Variants in MYCT1 observed in about 807,000 individuals in gnomAD.
The protein encoded by MYCT1 is MYC target 1.
Under a neutral mutation model 15.0 loss-of-function variants are expected in MYCT1, and 12 were observed. The observed-to-expected ratio is 0.80, with a 90% CI of 0.51 to 1.29. The LOEUF is 1.29. Ranked by LOEUF, MYCT1 falls within the 50% of genes most tolerant of loss-of-function variation. MYCT1 has a pLI of 0.00. For missense variants in MYCT1, 287 were observed against 279.1 expected, an observed-to-expected ratio of 1.03 and a Z score of -0.20; for synonymous variants, 104 against 102.7, an observed-to-expected ratio of 1.01 and a Z score of -0.07.
chr6:152,734,028 A>G, the MYCT1 span, among the ~76,000 whole-genome samples: 1 of 152,070 alleles, frequency 6.6e-6, no homozygotes, highest in African/African-American at 2.4e-5. Context: ...ACAAAGAGCC[A>G]GGTCTTAAAA....
chr6:152,705,423 C>T (rs930780323), intron 1 of MYCT1, among the ~76,000 whole-genome samples: 4 of 152,042 alleles, frequency 2.6e-5, no homozygotes, highest in Non-Finnish European at 5.9e-5. Context: ...CCAAAAAATC[C>T]CAAATCTAAC....
the MYCT1 span, among the ~76,000 whole-genome samples, chr6:152,736,762 C>T: frequency 6.6e-6 from 1 of 151,790 alleles, no homozygotes; most frequent in Non-Finnish European, 1.5e-5. Context: ...GCTTACTTCT[C>T]GGAATAAAAA....
chr6:152,712,519 G>A lies in MYCT1; in HGVS notation c.197-9223G>A, dbSNP rs1237685762. On this transcript the variant is annotated intron_variant, in intron 1 of 1. Transcript: ENST00000367245. Reference sequence around the variant, plus strand: ...ACGGTGCGCACACACACTGGCCTGCGCCCACTGTCTGGCACTCCCTAGTGA... The same window carrying A: ...ACGGTGCGCACACACACTGGCCTGCACCCACTGTCTGGCACTCCCTAGTGA... 1.4e-4 allele frequency among the ~76,000 whole-genome samples: 10 copies of A among 71,810 alleles called. 3 individuals are homozygous for A. The highest frequency in any genetic ancestry group is 8.5e-3 in the East Asian group (2 of 234). 47.1% of individuals were successfully genotyped at this position (71,810 alleles called of 152,430 possible).
Position 152,721,758 on chromosome 6 carries a change from C to T in MYCT1, c.213C>T (p.Ser71=), listed in dbSNP as rs1488915999. 5.0e-6 allele frequency: 8 copies of T among 1,613,388 alleles called. No homozygotes were observed. The African/African-American group carries it at 8.0e-5, about 16-fold the overall frequency. Residue 71 remains serine (S), a synonymous_variant, in exon 2 of 2, where the codon TCC becomes TCT. Transcript: ENST00000367245. The part of the protein sequence containing the change: ...PENFWEDLIM[S]FTVSMAIGLV... ...TTGTTTCAGAGGACCTTATCATGTC[C>T]TTCACTGTATCCATGGCAATCGGGC...
At chr6:152,741,653 T>C in the MYCT1 span, among the ~76,000 whole-genome samples, 2 of 152,224 alleles carry the variant, frequency 1.3e-5, no homozygotes, top group African/African-American at 4.8e-5. Flanking sequence ...TTAAAAATTG[T>C]ATGATTTTTA....
chr6:152,734,554 C>T, the MYCT1 span, among the ~76,000 whole-genome samples: 1 of 152,154 alleles, frequency 6.6e-6, no homozygotes, highest in African/African-American at 2.4e-5. Flanking sequence ...CGTGCAGTGA[C>T]TCATTTGTCC....
chr6:152,705,605 A>C (rs1583965776), intron 1 of MYCT1: 1 of 160,368 alleles, frequency 6.2e-6, no homozygotes, highest in East Asian at 1.7e-4. Flanking sequence ...GACTTATGAT[A>C]GTTCAACTTA....
chr6:152,708,808 T>C (rs1401283333), intron 1 of MYCT1, among the ~76,000 whole-genome samples: 3 of 152,094 alleles, frequency 2.0e-5, no homozygotes, highest in Non-Finnish European at 4.4e-5. Context: ...AGTGTAGGTG[T>C]GCTGGTGATT....
downstream of MYCT1, among the ~76,000 whole-genome samples, chr6:152,726,396 T>A (rs76763994): frequency 5.5e-5 from 7 of 127,686 alleles, no homozygotes; most frequent in African/African-American, 9.1e-5. Context: ...AAACTCTGTC[T>A]AAAAAAAAAA....
the MYCT1 span, among the ~76,000 whole-genome samples, chr6:152,733,460 C>G: frequency 6.6e-6 from 1 of 152,164 alleles, no homozygotes; most frequent in Non-Finnish European, 1.5e-5. Flanking sequence ...ACTGGTGTCT[C>G]TTTATCAGGC....
Position 152,722,377 on chromosome 6 carries a change from T to C in MYCT1, c.*124T>C. 2 of 965,730 alleles carry C rather than the reference T, an allele frequency of 2.1e-6. No homozygotes were observed. Among genetic ancestry groups the C allele is most frequent in the South Asian group, 3.5e-5 (2 of 57,394 alleles). The allele number at this position is 965,730 out of a possible 1,614,324, so 59.8% of individuals were successfully genotyped here. The stretch of plus-strand genomic sequence containing the variant: ...AACTCATGAGTTCCAAGTTGAAACA[T>C]GGTTGTGCAAGTTGGACATTACAAT... On this transcript the variant is annotated 3_prime_UTR_variant, in exon 2 of 2. Transcript: ENST00000367245.
intron 1 of MYCT1, among the ~76,000 whole-genome samples, chr6:152,720,272 T>A (rs2099724453): frequency 6.6e-6 from 1 of 152,124 alleles, no homozygotes; most frequent in East Asian, 1.9e-4. Flanking sequence ...GGGTGGATGC[T>A]GAGCCTCTTG....
the MYCT1 span, among the ~76,000 whole-genome samples, chr6:152,746,109 A>C: frequency 1.3e-5 from 2 of 152,210 alleles, no homozygotes; most frequent in African/African-American, 4.8e-5. Flanking sequence ...TATTCTTGCC[A>C]AATCTTCATT....
the MYCT1 span, among the ~76,000 whole-genome samples, chr6:152,735,134 G>C: frequency 4.6e-5 from 7 of 152,098 alleles, no homozygotes; most frequent in Admixed American, 1.3e-4. Flanking sequence ...TACAAAGAAG[G>C]GTGTAAATTA....
intron 1 of MYCT1, among the ~76,000 whole-genome samples, chr6:152,714,644 C>T (rs1259549510): frequency 6.6e-6 from 1 of 151,418 alleles, no homozygotes. Context: ...ATTTTTTAAA[C>T]ACATTAATCA....
the MYCT1 span, among the ~76,000 whole-genome samples, chr6:152,735,617 A>G: frequency 6.6e-6 from 1 of 152,182 alleles, no homozygotes; most frequent in African/African-American, 2.4e-5. Flanking sequence ...TCTAAAGTTT[A>G]GAAGTTTTGG....
chr6:152,720,872 A>G (rs1390221585), intron 1 of MYCT1, among the ~76,000 whole-genome samples: 1 of 152,202 alleles, frequency 6.6e-6, no homozygotes, highest in Admixed American at 6.6e-5. Context: ...GGGGAGACTC[A>G]GTTACCTAGT....
At position 152,722,208 on chromosome 6, in the gene MYCT1, C is replaced by T. The variant is rs761292156; in HGVS notation, c.663C>T (p.Pro221=). 3.1e-6 allele frequency: 5 copies of T among 1,614,092 alleles called. No individual in the cohort carries two copies. The highest frequency in any genetic ancestry group is 2.2e-5 in the South Asian group (2 of 91,088). ...NSLRVGLSTP[P]PPAYESIIKA... ...TTCGAGTGGGCCTTTCAACACCGCC[C>T]CCACCTGCCTATGAGTCCATCATCA... Residue 221 remains proline (P), a synonymous_variant, in exon 2 of 2, where the codon CCC becomes CCT. Coordinates refer to ENST00000367245, the MANE Select transcript of MYCT1 (RefSeq NM_025107.3).
At chr6:152,733,047 G>T in the MYCT1 span, among the ~76,000 whole-genome samples, 1 of 151,622 alleles carries the variant, frequency 6.6e-6, no homozygotes, top group African/African-American at 2.4e-5. Flanking sequence ...TTGTGTGTTT[G>T]GTTTTGTTTT....
Sources: gnomAD v4.1 joint callset for allele counts (sites outside exome capture counted in the v4.1 genomes callset) on GRCh38, gnomAD v4.1.1 for gene constraint, MANE v1.5 for transcripts, NCBI Gene and HGNC (gene_info 2026-07-23, HGNC 2026-07-21) for gene names.